MYO16: variants seen among roughly 807,000 people sequenced by gnomAD.
The protein encoded by MYO16 is unconventional myosin-XVI.
In MYO16, 94 loss-of-function variants were observed where a neutral mutation model predicts 205.3. The observed-to-expected ratio is 0.46, with a 90% CI of 0.39 to 0.54. The LOEUF (loss-of-function observed/expected upper bound fraction) is 0.54, where lower values mean the gene tolerates loss of function less well. MYO16 is among the 20% of genes least tolerant of loss of function. MYO16 has a pLI of 0.00. For synonymous variants in MYO16, 988 were observed against 954.0 expected, an observed-to-expected ratio of 1.04 and a Z score of -0.66; for missense variants, 2,315 against 2,387.5, an observed-to-expected ratio of 0.97 and a Z score of 0.63.
intron 20 of MYO16, among the ~76,000 whole-genome samples, chr13:108,979,525 T>C (rs1372317565): frequency 6.6e-6 from 1 of 152,130 alleles, no homozygotes; most frequent in African/African-American, 2.4e-5. Flanking sequence ...GAGATTTCTT[T>C]GATTCTTATG....
intron 33 of MYO16, among the ~76,000 whole-genome samples, chr13:109,166,268 G>A (rs551593648): frequency 1.5e-3 from 225 of 152,208 alleles, no homozygotes; most frequent in Middle Eastern, 3.4e-3. Flanking sequence ...TAAGGAAATC[G>A]TCAAATGGAA....
At chr13:108,584,942 T>G in the MYO16 span, among the ~76,000 whole-genome samples, 2 of 152,180 alleles carry the variant, frequency 1.3e-5, no homozygotes, top group Non-Finnish European at 2.9e-5. Flanking sequence ...AGTTAGAAAT[T>G]TAATGGCTTT....
chr13:108,545,232 C>A, the MYO16 span, among the ~76,000 whole-genome samples: 63 of 152,224 alleles, frequency 4.1e-4, no homozygotes, highest in Middle Eastern at 6.8e-3. Flanking sequence ...GTTTAGCTTC[C>A]ATTTATAAGT....
At chr13:109,104,127 G>C (rs1889053141) in intron 28 of MYO16, among the ~76,000 whole-genome samples, 2 of 152,012 alleles carry the variant, frequency 1.3e-5, no homozygotes. Context: ...AGTTTCAGTG[G>C]GAGTGCCACT....
Position 108,872,350 on chromosome 13 carries a change from G to A in MYO16, c.1425+6108G>A, listed in dbSNP as rs546872571. On this transcript the variant is annotated intron_variant, in intron 12 of 34. Transcript: ENST00000457511. ...ATAATATTTTTTATAGTATGACACAGTTTGTCATACTATATTGTATCTTGT... is the reference window on the plus strand; with the variant it reads ...ATAATATTTTTTATAGTATGACACAATTTGTCATACTATATTGTATCTTGT... Among the ~76,000 whole-genome samples the A allele has an allele frequency of 5.7e-4, 86 of 152,066 alleles. 1 individual carries two copies. The highest frequency in any genetic ancestry group is 2.1e-3 in the African/African-American group (86 of 41,496).
intron 4 of MYO16, among the ~76,000 whole-genome samples, chr13:108,740,557 C>T (rs1424766139): frequency 6.6e-6 from 1 of 152,174 alleles, no homozygotes. Flanking sequence ...TGAGGGGTTC[C>T]TCCCAGTTAG....
chr13:108,729,968 T>G (rs1286667754), intron 4 of MYO16, among the ~76,000 whole-genome samples: 3 of 152,180 alleles, frequency 2.0e-5, no homozygotes, highest in Non-Finnish European at 4.4e-5. Flanking sequence ...GAGTCAGATC[T>G]GAGTTACATT....
At chr13:108,550,229 G>C in the MYO16 span, among the ~76,000 whole-genome samples, 1 of 152,388 alleles carries the variant, frequency 6.6e-6, no homozygotes. Flanking sequence ...CTGCCATGGC[G>C]TCAGCCATTT....
intron 2 of MYO16, among the ~76,000 whole-genome samples, chr13:108,685,333 T>C (rs945848655): frequency 6.6e-6 from 1 of 152,106 alleles, no homozygotes; most frequent in Non-Finnish European, 1.5e-5. Context: ...GAACCCCAAT[T>C]TGTAGCTGGT....
At chr13:108,497,525 A>G in the MYO16 span, among the ~76,000 whole-genome samples, 7 of 152,242 alleles carry the variant, frequency 4.6e-5, no homozygotes, top group Non-Finnish European at 8.8e-5. Context: ...TACTTGCTAT[A>G]GACATCACCC....
rs757556142 is a variant in MYO16, at chr13:109,140,907, C to A, written c.4695C>A (p.Ser1565=). 3.8e-6 allele frequency: 6 copies of A among 1,581,258 alleles called. No homozygotes were observed. The highest frequency in any genetic ancestry group is 5.1e-6 in the Non-Finnish European group (6 of 1,166,104). ...CGAGCCCGCTGTCCCCGCAGTACTC[C>A]AAGAGCCAGAAGGGCGACGGCGACA... ...EGSSPLSPQY[S]KSQKGDGDRP... Residue 1565 remains serine, a synonymous_variant, in exon 32 of 35, where the codon TCC becomes TCA. Transcript: ENST00000457511. The surrounding 1 kb of genome is among the most constrained non-coding windows in gnomAD (Gnocchi z 8.0).
At chr13:109,112,537 C>T (rs1212621629) in intron 28 of MYO16, among the ~76,000 whole-genome samples, 1 of 152,140 alleles carries the variant, frequency 6.6e-6, no homozygotes, top group Non-Finnish European at 1.5e-5. Flanking sequence ...AGGTGGTTCA[C>T]CTGGGGTCAG....
In MYO16 at chr13:109,127,570, C is replaced by G. The variant is rs1876326440; in HGVS notation, c.4051+20C>G. The G allele has an allele frequency of 6.2e-7, 1 of 1,603,600 alleles. No individual in the cohort carries two copies. The highest frequency in any genetic ancestry group is 2.2e-5 in the East Asian group (1 of 44,754). ...ACGAAGGTCAGCCCTGGGGAGGGAC[C>G]CAGCCTCGTGTTCCGGGCTCGCGCA... On this transcript the variant is annotated intron_variant, in intron 31 of 34. Coordinates refer to ENST00000457511, the MANE Select transcript of MYO16 (RefSeq NM_001198950.3). The surrounding 1 kb of genome is among the most constrained non-coding windows in gnomAD (Gnocchi z 4.2).
rs537137067 is a variant in MYO16 at position 108,800,398 on chromosome 13, A to G, written c.742-6281A>G. 4.5e-4 allele frequency among the ~76,000 whole-genome samples: 68 copies of G among 152,278 alleles called. 1 individual carries two copies. Among genetic ancestry groups the G allele is most frequent in the Admixed American group, 3.5e-3 (54 of 15,284 alleles). ...AGGGAAAGTGGACTCCTAACACACT[A>G]AGAGTGCTCTTTAAAAATTGTTCAA... On this transcript the variant is annotated intron_variant, in intron 6 of 34. Coordinates refer to ENST00000457511, the MANE Select transcript of MYO16 (RefSeq NM_001198950.3).
rs1427782824 is a variant in MYO16 at position 109,141,512 on chromosome 13, G to C, written c.5164+136G>C. On this transcript the variant is annotated intron_variant, in intron 32 of 34. Transcript: ENST00000457511. The surrounding 1 kb of genome is among the most constrained non-coding windows in gnomAD (Gnocchi z 4.1). ...CCGTGGTCGTTCAGAGCAGATATCAGCTTTAAAAAAAAATCGTATACACCC... is the reference window on the plus strand; with the variant it reads ...CCGTGGTCGTTCAGAGCAGATATCACCTTTAAAAAAAAATCGTATACACCC... The C allele has an allele frequency of 9.0e-6, 5 of 558,458 alleles. No homozygotes were observed. The highest frequency in any genetic ancestry group is 4.3e-5 in the Admixed American group (1 of 23,234). The allele number at this position is 558,458 out of a possible 1,614,324, so 34.6% of individuals were successfully genotyped here. A position where few individuals can be genotyped will look rare whatever the true frequency, so the allele number is the denominator to read the frequency against.
chr13:108,710,574 G>T (rs1883681684), intron 2 of MYO16, among the ~76,000 whole-genome samples: 2 of 152,094 alleles, frequency 1.3e-5, no homozygotes, highest in African/African-American at 4.8e-5. Flanking sequence ...TACATATGTT[G>T]TCTCATTTAA....
At chr13:108,772,214 C>A (rs1885989071) in intron 4 of MYO16, among the ~76,000 whole-genome samples, 1 of 152,040 alleles carries the variant, frequency 6.6e-6, no homozygotes, top group South Asian at 2.1e-4. Flanking sequence ...AAAGAAATAG[C>A]CGAGCATGGT....
chr13:108,952,130 TAAATAAA>T (rs1481609326), intron 16 of MYO16, among the ~76,000 whole-genome samples: 1 of 149,926 alleles, frequency 6.7e-6, no homozygotes, highest in African/African-American at 2.5e-5. Flanking sequence ...AATAAATAAA[TAAATAAA>T]TAAATAAATA....
chr13:108,825,278 T>C (rs947417384), intron 9 of MYO16, among the ~76,000 whole-genome samples: 4 of 151,804 alleles, frequency 2.6e-5, no homozygotes, highest in Admixed American at 6.6e-5. Context: ...GTTAATAGAA[T>C]AAAGAACAAA....
Sources: allele counts gnomAD v4.1 joint callset (sites outside exome capture counted in the v4.1 genomes callset), GRCh38; gene constraint gnomAD v4.1.1; non-coding constraint Gnocchi (gnomAD v3.1); transcripts MANE v1.5; gene names NCBI Gene and HGNC (gene_info 2026-07-23, HGNC 2026-07-21).